The following NINL variants were observed in gnomAD, a reference collection of about 807,000 sequenced individuals.
The protein encoded by NINL is ninein-like protein.
Under a neutral mutation model 160.3 loss-of-function variants are expected in NINL, and 153 were observed. The ratio of observed to expected loss-of-function variants is 0.95; its 90% confidence interval spans 0.84 to 1.09. The LOEUF (loss-of-function observed/expected upper bound fraction) is 1.09. Ranked by LOEUF, NINL falls within the 50% of genes least tolerant of loss-of-function variation. The pLI is 0.00. For missense variants in NINL, 1,829 were observed against 1,764.0 expected (o/e 1.04, Z -0.66); for synonymous variants, 800 against 734.8 (o/e 1.09, Z -1.43).
intron 1 of NINL, among the ~76,000 whole-genome samples, chr20:25,564,811 A>AG (rs1310922472): frequency 6.6e-6 from 1 of 151,840 alleles, no homozygotes; most frequent in East Asian, 1.9e-4. Flanking sequence ...CAATTAAAAA[A>AG]AAAAAAAAGC....
intron 14 of NINL, 146 bp downstream of exon 14, chr20:25,481,822 T>A (rs1457725242): frequency 4.9e-6 from 6 of 1,218,062 alleles, no homozygotes; most frequent in Non-Finnish European, 6.8e-6. Flanking sequence ...TGGATCCTCC[T>A]TGGAAAGTCC....
intron 1 of NINL, among the ~76,000 whole-genome samples, chr20:25,530,885 T>C (rs2064446093): frequency 6.6e-6 from 1 of 152,280 alleles, no homozygotes; most frequent in East Asian, 1.9e-4. Flanking sequence ...AGGCACACAT[T>C]GTCATTGATA....
intron 19 of NINL, among the ~76,000 whole-genome samples, 164 bp downstream of exon 19, chr20:25,467,225 T>C (rs931977622): frequency 1.3e-5 from 2 of 152,240 alleles, no homozygotes; most frequent in African/African-American, 4.8e-5. Flanking sequence ...TTCACAGCCG[T>C]GTTTAGTGTC....
At chr20:25,510,319 G>A (rs1336108093) in intron 5 of NINL, among the ~76,000 whole-genome samples, 1 of 152,240 alleles carries the variant, frequency 6.6e-6, no homozygotes, top group Non-Finnish European at 1.5e-5. Flanking sequence ...GCAGTCTGAG[G>A]TGACAGGGCC....
chr20:25,583,777 T>C (rs1299406887), intron 1 of NINL, among the ~76,000 whole-genome samples: 4 of 152,192 alleles, frequency 2.6e-5, no homozygotes, highest in Admixed American at 6.5e-5. Context: ...AGATACACCA[T>C]GGAATACTAC....
chr20:25,557,974 CA>C (rs3036848), intron 1 of NINL, among the ~76,000 whole-genome samples: 78,910 of 132,508 alleles, frequency 0.6, 23,275 homozygotes, highest in South Asian at 0.71. Context: ...ACTAAAAATA[CA>C]AAAAAAAAAA....
intron 19 of NINL, among the ~76,000 whole-genome samples, chr20:25,464,192 G>A (rs1357935078): frequency 6.6e-6 from 1 of 152,158 alleles, no homozygotes; most frequent in Admixed American, 6.5e-5. Context: ...CGAAGTGGAA[G>A]GATCACCTGA....
At chr20:25,584,654 T>G (rs2065207889) in intron 1 of NINL, among the ~76,000 whole-genome samples, 2 of 152,078 alleles carry the variant, frequency 1.3e-5, no homozygotes, top group African/African-American at 4.8e-5. Flanking sequence ...GCTTCATGGG[T>G]CTCTTCCTGA....
At chr20:25,501,625 T>A (rs1201575068) in intron 7 of NINL, among the ~76,000 whole-genome samples, 1 of 152,210 alleles carries the variant, frequency 6.6e-6, no homozygotes, top group African/African-American at 2.4e-5. Flanking sequence ...ATGTTGATCA[T>A]TCTGGCCTTA....
In NINL at chr20:25,512,981, C is replaced by T; in HGVS notation, c.303G>A (p.Lys101=). The T allele has an allele frequency of 6.2e-7, 1 of 1,601,934 alleles. No homozygotes were observed. The highest frequency in any genetic ancestry group is 8.5e-7 in the Non-Finnish European group (1 of 1,172,654). ...CATACCACTTAGAACCATTCACATA[C>T]TTTGGAGGGATGGCACTGGAGGCAG... ...ESAASSAIPP[K]YVNGSKWYGR... is the part of the protein sequence containing the mutation. The change falls in exon 4 of 24, where the codon AAG becomes AAA. Residue 101 remains lysine, a synonymous_variant. Coordinates refer to ENST00000278886, the MANE Select transcript of NINL (RefSeq NM_025176.6).
Position 25,554,636 on chromosome 20 carries a change from CAAAA to C in NINL, c.-11-28042_-11-28039del, listed in dbSNP as rs747557892. Reference sequence around the variant, plus strand: ...CCCTGTTCTTTACCAAAAAAAAAAACAAAAAAAAAAAAAAAAAAAAATTAGCTAG... The same window carrying C: ...CCCTGTTCTTTACCAAAAAAAAAAACAAAAAAAAAAAAAAAAATTAGCTAG... On this transcript the variant is annotated intron_variant, in intron 1 of 23. Coordinates refer to ENST00000278886, the MANE Select transcript of NINL (RefSeq NM_025176.6). Among the ~76,000 whole-genome samples, 128 of 85,780 alleles carry C rather than the reference CAAAA, an allele frequency of 1.5e-3. 1 individual carries two copies. The highest frequency in any genetic ancestry group is 8.8e-3 in the East Asian group (3 of 340). The allele number at this position is 85,780 out of a possible 152,430, so 56.3% of individuals were successfully genotyped here. A position where few individuals can be genotyped will look rare whatever the true frequency, so the allele number is the denominator to read the frequency against.
intron 11 of NINL, among the ~76,000 whole-genome samples, chr20:25,490,227 C>T (rs979735134): frequency 6.6e-6 from 1 of 152,234 alleles, no homozygotes; most frequent in Non-Finnish European, 1.5e-5. Flanking sequence ...CTCTTGTCCC[C>T]TCCCTTACCC....
At chr20:25,516,288 A>G (rs1316208329) in intron 3 of NINL, among the ~76,000 whole-genome samples, 1 of 152,226 alleles carries the variant, frequency 6.6e-6, no homozygotes, top group Non-Finnish European at 1.5e-5. Context: ...TCTTATAGCA[A>G]TATGAGAACA....
chr20:25,491,548 C>T (rs755438045), intron 10 of NINL, 23 bp from the exon 11 acceptor site: 32 of 1,606,860 alleles, frequency 2.0e-5, no homozygotes, highest in South Asian at 3.3e-5. Flanking sequence ...ACACATCACA[C>T]GTCAGACATG....
chr20:25,557,458 G>T (rs919441209), intron 1 of NINL, among the ~76,000 whole-genome samples: 2 of 150,890 alleles, frequency 1.3e-5, no homozygotes, highest in African/African-American at 4.9e-5. Flanking sequence ...TTGAACCCAG[G>T]AGGCGGAGGC....
chr20:25,547,447 G>A (rs1464611296), intron 1 of NINL, among the ~76,000 whole-genome samples: 2 of 152,152 alleles, frequency 1.3e-5, no homozygotes, highest in Non-Finnish European at 2.9e-5. Context: ...AAAGTCAGTC[G>A]TTCAGATGCA....
chr20:25,453,649 A>T lies in NINL; in HGVS notation c.3958-7T>A. On this transcript the variant is annotated splice_region_variant and splice_polypyrimidine_tract_variant and intron_variant, in intron 23 of 23. Coordinates refer to ENST00000278886, the MANE Select transcript of NINL (RefSeq NM_025176.6). ...ACTTCGTGTTCTTTTCAAACTAGAG[A>T]GGGGAGGAAGCCATGCTTTGCATGA... 1.3e-6 allele frequency: 2 copies of T among 1,593,110 alleles called. No homozygotes were observed. Among genetic ancestry groups the T allele is most frequent in the Non-Finnish European group, 8.6e-7 (1 of 1,169,002 alleles).
chr20:25,524,923 ATG>A (rs1261075722), intron 2 of NINL, among the ~76,000 whole-genome samples: 5 of 133,478 alleles, frequency 3.7e-5, no homozygotes, highest in African/African-American at 3.2e-5. Context: ...ATATATATAT[ATG>A]TGTGTGTATA....
intron 7 of NINL, among the ~76,000 whole-genome samples, chr20:25,502,948 C>A (rs115910268): frequency 0.014 from 2,092 of 152,330 alleles, 46 homozygotes; most frequent in African/African-American, 0.045. Context: ...TTTAGCAATG[C>A]GAGAACAGAC....
Sources: allele counts gnomAD v4.1 joint callset (sites outside exome capture counted in the v4.1 genomes callset), GRCh38; gene constraint gnomAD v4.1.1; transcripts MANE v1.5; gene names NCBI Gene and HGNC (gene_info 2026-07-23, HGNC 2026-07-21).